SPATA7: variants seen among roughly 807,000 people sequenced by gnomAD.
SPATA7 encodes spermatogenesis associated 7, also known as spermatogenesis-associated protein 7.
In SPATA7, 43 loss-of-function variants were observed where a neutral mutation model predicts 51.8. That is an observed-to-expected ratio of 0.83 (90% CI 0.65 to 1.07). The LOEUF (loss-of-function observed/expected upper bound fraction) is 1.07, where lower values mean the gene tolerates loss of function less well. SPATA7 is among the 50% of genes least tolerant of loss of function. The probability of loss-of-function intolerance (pLI) is 0.00; values close to 1 mark genes in which losing one functional copy is unlikely to be tolerated. For missense variants in SPATA7, 683 were observed against 701.3 expected (o/e 0.97, Z 0.30); for synonymous variants, 230 against 252.8 (o/e 0.91, Z 0.86).
intron 1 of SPATA7, among the ~76,000 whole-genome samples, chr14:88,386,563 C>A (rs1346127591): frequency 6.6e-6 from 1 of 152,146 alleles, no homozygotes; most frequent in African/African-American, 2.4e-5. Flanking sequence ...CACCTGTTCT[C>A]TACTGATTTC....
Position 88,385,744 on chromosome 14 carries a change from C to G in SPATA7, c.-75C>G, listed in dbSNP as rs1199624480. On this transcript the variant is annotated 5_prime_UTR_variant, in exon 1 of 12. Coordinates refer to ENST00000393545, the MANE Select transcript of SPATA7 (RefSeq NM_018418.5). ...CTCCTCTTTTCCAGTCCTCCACTGC[C>G]GGGGCTGGGCCCGGCCGCGGGAAGG... 2 of 1,450,846 alleles carry G rather than the reference C, an allele frequency of 1.4e-6. No homozygotes were observed. The highest frequency in any genetic ancestry group is 2.8e-5 in the African/African-American group (2 of 72,474). The allele number at this position is 1,450,846 out of a possible 1,614,324, so 89.9% of individuals were successfully genotyped here.
intron 3 of SPATA7, among the ~76,000 whole-genome samples, chr14:88,444,276 T>C (rs2077197149): frequency 6.6e-6 from 1 of 152,232 alleles, no homozygotes; most frequent in Non-Finnish European, 1.5e-5. Flanking sequence ...GCTGCATAAA[T>C]GTCTTCTTTT....
chr14:88,431,600 C>T lies in SPATA7; in HGVS notation c.1082+375C>T, dbSNP rs117362046. On this transcript the variant is annotated intron_variant, in intron 9 of 11. Coordinates refer to ENST00000393545, the MANE Select transcript of SPATA7 (RefSeq NM_018418.5). Reference sequence around the variant, plus strand: ...TTTTGTATCTTGTAACAAATCTCAGCTTGTCCCTCATTCCCGTCTACCCTT... The same window carrying T: ...TTTTGTATCTTGTAACAAATCTCAGTTTGTCCCTCATTCCCGTCTACCCTT... 2.1e-3 allele frequency among the ~76,000 whole-genome samples: 323 copies of T among 152,282 alleles called. 2 individuals are homozygous for T. The highest frequency in any genetic ancestry group is 0.014 in the Middle Eastern group (4 of 294).
intron 5 of SPATA7, among the ~76,000 whole-genome samples, chr14:88,422,091 G>A (rs889795168): frequency 2.0e-5 from 3 of 152,132 alleles, no homozygotes; most frequent in African/African-American, 4.8e-5. Context: ...AATATAATAG[G>A]ATGAGGTGCA....
intron 4 of SPATA7, among the ~76,000 whole-genome samples, chr14:88,407,372 G>A (rs923674141): frequency 2.6e-5 from 4 of 152,194 alleles, no homozygotes; most frequent in Non-Finnish European, 5.9e-5. Context: ...GACCAGTGAT[G>A]ATTAGCTTTT....
chr14:88,459,533 A>G (rs933542769), downstream of SPATA7, among the ~76,000 whole-genome samples: 7 of 152,056 alleles, frequency 4.6e-5, no homozygotes. Context: ...AGAGACTAGG[A>G]TTGCAACCCC....
At chr14:88,421,404 C>T (rs2076637789) in intron 5 of SPATA7, among the ~76,000 whole-genome samples, 1 of 152,068 alleles carries the variant, frequency 6.6e-6, no homozygotes, top group African/African-American at 2.4e-5. Flanking sequence ...GGGCAAAAGC[C>T]AGATTGACTG....
At position 88,469,502 on chromosome 14, in the gene SPATA7, A is replaced by G. The variant is rs1171882301; in HGVS notation, c.255-345A>G. On this transcript the variant is annotated intron_variant, in intron 4 of 4. Transcript: ENST00000556406. This position sits in a 1 kb window ranked among gnomAD's most constrained non-coding sequence, Gnocchi z 4.3. ...GAACAAAGTTAAAGTCACTCACATA[A>G]AAATCCCTTGAGGTCTTCTGGACAG... is the stretch of plus-strand genomic sequence containing the variant. 1 of 1,610,930 alleles carries G rather than the reference A, an allele frequency of 6.2e-7. No individual in the cohort carries two copies. Among genetic ancestry groups the G allele is most frequent in the Non-Finnish European group, 8.5e-7 (1 of 1,177,220 alleles).
chr14:88,465,405 T>C (rs937795034), intron 4 of SPATA7, among the ~76,000 whole-genome samples: 1 of 152,180 alleles, frequency 6.6e-6, no homozygotes. Context: ...AGGCAGAGGT[T>C]GCAGTGAGCC....
chr14:88,431,360 T>G, intron 9 of SPATA7, 135 bp downstream of exon 9: 2 of 833,988 alleles, frequency 2.4e-6, no homozygotes, highest in Non-Finnish European at 4.1e-6. Context: ...TACATATTCA[T>G]GGAGTACCTA....
downstream of SPATA7, among the ~76,000 whole-genome samples, chr14:88,440,848 G>C (rs530147464): frequency 6.6e-6 from 1 of 151,872 alleles, no homozygotes; most frequent in South Asian, 2.1e-4. Context: ...TATTTCAGTA[G>C]GATTTTGGGA....
intron 5 of SPATA7, among the ~76,000 whole-genome samples, chr14:88,418,074 T>C (rs1429647701): frequency 4.6e-5 from 7 of 152,218 alleles, no homozygotes. Flanking sequence ...CATACTATTC[T>C]CTTAATCTCT....
At position 88,406,316 on chromosome 14, in the gene SPATA7, G is replaced by A. The variant is rs184827748; in HGVS notation, c.238+10113G>A. Among the ~76,000 whole-genome samples, 152 of 151,888 alleles carry A rather than the reference G, an allele frequency of 1.0e-3. 2 individuals carry two copies. The highest frequency in any genetic ancestry group is 3.3e-3 in the African/African-American group (137 of 41,490). On this transcript the variant is annotated intron_variant, in intron 4 of 11. Coordinates refer to ENST00000393545, the MANE Select transcript of SPATA7 (RefSeq NM_018418.5). ...TCACTGATTTTTTACTAAATTTACA[G>A]AATTGTGCAACCACAAACCAATTTT...
intron 4 of SPATA7, among the ~76,000 whole-genome samples, chr14:88,405,653 T>C (rs928020371): frequency 1.3e-5 from 2 of 152,182 alleles, no homozygotes; most frequent in Non-Finnish European, 2.9e-5. Context: ...GATGGAGTTA[T>C]GATTTACTGA....
intron 4 of SPATA7, among the ~76,000 whole-genome samples, chr14:88,398,242 A>G (rs1360826720): frequency 2.6e-5 from 4 of 151,942 alleles, no homozygotes; most frequent in African/African-American, 9.7e-5. Flanking sequence ...ATGTCCAACA[A>G]TGATAGACTG....
Position 88,438,455 on chromosome 14 carries a change from ACTC to A in SPATA7, c.*34_*36del, listed in dbSNP as rs747418892. On this transcript the variant is annotated 3_prime_UTR_variant, in exon 12 of 12. Coordinates refer to ENST00000393545, the MANE Select transcript of SPATA7 (RefSeq NM_018418.5). The stretch of plus-strand genomic sequence containing the variant: ...TAATAAATACCTCAAATGGCCAGTA[ACTC>A]AATATTACTTTTCTTCCTTTTTTAA... 7.0e-7 allele frequency: 1 copy of A among 1,436,192 alleles called. No individual in the cohort carries two copies. The highest frequency in any genetic ancestry group is 2.3e-5 in the East Asian group (1 of 43,448). The allele number at this position is 1,436,192 out of a possible 1,614,324, so 89.0% of individuals were successfully genotyped here.
Position 88,396,279 on chromosome 14 carries a change from T to C in SPATA7, c.238+76T>C, listed in dbSNP as rs531843956. On this transcript the variant is annotated intron_variant, in intron 4 of 11. Transcript: ENST00000393545. The stretch of plus-strand genomic sequence containing the variant: ...TATACATAACATAAAATTTACTGTC[T>C]TAACCATTTTTAAGTGTCCAGTTCA... 5.8e-6 allele frequency: 6 copies of C among 1,035,206 alleles called. No homozygotes were observed. In the African/African-American group the frequency reaches 9.7e-5, roughly 17 times the overall value. The allele number at this position is 1,035,206 out of a possible 1,614,324, so 64.1% of individuals were successfully genotyped here. A position where few individuals can be genotyped will look rare whatever the true frequency, so the allele number is the denominator to read the frequency against.
At chr14:88,418,150 T>G (rs28797261) in intron 5 of SPATA7, among the ~76,000 whole-genome samples, 2,083 of 151,960 alleles carry the variant, frequency 0.014, 48 homozygotes, top group African/African-American at 0.047. Context: ...ATTCTTCTTC[T>G]TCATCATTCT....
chr14:88,441,188 T>TTG (rs534049280), downstream of SPATA7, among the ~76,000 whole-genome samples: 479 of 151,316 alleles, frequency 3.2e-3, 1 homozygote, highest in African/African-American at 9.3e-3. Flanking sequence ...TAGTATTCAA[T>TTG]TGTGTGTGTG....
Sources: gnomAD v4.1 joint callset for allele counts (sites outside exome capture counted in the v4.1 genomes callset) on GRCh38, gnomAD v4.1.1 for gene constraint, Gnocchi (gnomAD v3.1) non-coding constraint, MANE v1.5 for transcripts, NCBI Gene and HGNC (gene_info 2026-07-23, HGNC 2026-07-21) for gene names.